Variants in LINGO2 observed in about 807,000 individuals in gnomAD.
LINGO2 encodes the protein leucine rich repeat and Ig domain containing 2, also known as leucine-rich repeat and immunoglobulin-like domain-containing nogo receptor-interacting protein 2.
In LINGO2, 14 loss-of-function variants were observed where a neutral mutation model predicts 30.6. That is an observed-to-expected ratio of 0.46 (90% CI 0.30 to 0.72). The LOEUF (loss-of-function observed/expected upper bound fraction) is 0.72, where lower values mean the gene tolerates loss of function less well. Ranked by LOEUF, LINGO2 falls within the 30% of genes least tolerant of loss-of-function variation. The pLI is 0.07. For missense variants in LINGO2, 729 were observed against 751.7 expected, an observed-to-expected ratio of 0.97 and a Z score of 0.35; for synonymous variants, 317 against 288.5, an observed-to-expected ratio of 1.10 and a Z score of -1.00.
chr9:28,775,871 T>C, the LINGO2 span, among the ~76,000 whole-genome samples: 2 of 152,202 alleles, frequency 1.3e-5, no homozygotes, highest in African/African-American at 2.4e-5. Flanking sequence ...CTTGAGACCC[T>C]AGTGGTGACA....
At chr9:28,182,350 C>T (rs750325665) in intron 4 of LINGO2, among the ~76,000 whole-genome samples, 10 of 152,106 alleles carry the variant, frequency 6.6e-5, no homozygotes, top group Non-Finnish European at 1.3e-4. Context: ...AAACCCAAAA[C>T]CATAAAAACC....
the LINGO2 span, among the ~76,000 whole-genome samples, chr9:28,721,714 G>A: frequency 2.6e-5 from 4 of 151,896 alleles, no homozygotes; most frequent in African/African-American, 9.6e-5. Context: ...ATGCATGTGG[G>A]GCTTAAAACC....
chr9:28,476,856 A>T (rs1330621254), intron 1 of LINGO2, among the ~76,000 whole-genome samples: 1 of 152,252 alleles, frequency 6.6e-6, no homozygotes, highest in Non-Finnish European at 1.5e-5. Context: ...TGATTAATTT[A>T]TTAAGGAAAA....
chr9:28,418,512 C>T (rs902374142), intron 2 of LINGO2, among the ~76,000 whole-genome samples: 3 of 151,982 alleles, frequency 2.0e-5, no homozygotes, highest in Non-Finnish European at 4.4e-5. Context: ...CTCCTGATCT[C>T]GTGATCTGCC....
At chr9:28,715,210 A>G in the LINGO2 span, among the ~76,000 whole-genome samples, 1 of 152,162 alleles carries the variant, frequency 6.6e-6, no homozygotes, top group African/African-American at 2.4e-5. Flanking sequence ...CATTTAGGAT[A>G]TATTATTCTA....
At chr9:28,546,069 T>C (rs1163657555) in intron 1 of LINGO2, among the ~76,000 whole-genome samples, 2 of 152,082 alleles carry the variant, frequency 1.3e-5, no homozygotes, top group Admixed American at 6.6e-5. Flanking sequence ...ATCTCACTTA[T>C]ATGTGGACTC....
At chr9:28,900,094 G>T in the LINGO2 span, among the ~76,000 whole-genome samples, 1 of 152,002 alleles carries the variant, frequency 6.6e-6, no homozygotes, top group African/African-American at 2.4e-5. Context: ...ACGGCCCTAG[G>T]CTCCATGCCA....
chr9:28,761,639 C>T, the LINGO2 span, among the ~76,000 whole-genome samples: 1 of 151,876 alleles, frequency 6.6e-6, no homozygotes, highest in East Asian at 1.9e-4. Context: ...AGAAAAGTGA[C>T]ATCTATTAGT....
At chr9:28,290,374 G>A (rs1823678046) in intron 4 of LINGO2, among the ~76,000 whole-genome samples, 1 of 152,148 alleles carries the variant, frequency 6.6e-6, no homozygotes, top group Non-Finnish European at 1.5e-5. Context: ...CACTCGGCAA[G>A]ACTTTGGACT....
At chr9:28,080,253 T>C (rs751475336) in intron 4 of LINGO2, among the ~76,000 whole-genome samples, 6 of 152,236 alleles carry the variant, frequency 3.9e-5, no homozygotes, top group Non-Finnish European at 7.3e-5. Context: ...ATTGCAATAA[T>C]AAGAATACTG....
intron 4 of LINGO2, among the ~76,000 whole-genome samples, chr9:28,281,037 A>C (rs1823305081): frequency 6.6e-6 from 1 of 152,110 alleles, no homozygotes; most frequent in Admixed American, 6.5e-5. Context: ...ACTTTCTTTC[A>C]AATATAAGAA....
chr9:28,029,971 A>G (rs1269722019), intron 4 of LINGO2, among the ~76,000 whole-genome samples: 5 of 152,314 alleles, frequency 3.3e-5, no homozygotes, highest in Non-Finnish European at 7.4e-5. Context: ...TGAAGAGCGT[A>G]AGAAAATGAA....
the LINGO2 span, among the ~76,000 whole-genome samples, chr9:29,105,358 A>C: frequency 6.6e-6 from 1 of 152,320 alleles, no homozygotes; most frequent in East Asian, 1.9e-4. Context: ...TGCTTACAGA[A>C]GGTTTCTGAA....
At chr9:28,553,222 C>T (rs1483883787) in intron 1 of LINGO2, among the ~76,000 whole-genome samples, 1 of 151,956 alleles carries the variant, frequency 6.6e-6, no homozygotes, top group African/African-American at 2.4e-5. Flanking sequence ...GACATTCAAA[C>T]CAAAGACAAA....
chr9:28,405,666 TTTAG>T (rs1822475972), intron 2 of LINGO2, among the ~76,000 whole-genome samples: 2 of 152,154 alleles, frequency 1.3e-5, no homozygotes, highest in Admixed American at 6.6e-5. Context: ...CTGTGCTTGT[TTTAG>T]TTATCCATTG....
At chr9:28,303,117 C>T (rs900720214) in intron 3 of LINGO2, among the ~76,000 whole-genome samples, 1 of 152,196 alleles carries the variant, frequency 6.6e-6, no homozygotes, top group Non-Finnish European at 1.5e-5. Context: ...CCCCTAAACA[C>T]TATATTCCAC....
chr9:27,974,507 T>C (rs1820502955), intron 5 of LINGO2, among the ~76,000 whole-genome samples: 2 of 152,224 alleles, frequency 1.3e-5, no homozygotes, highest in Non-Finnish European at 2.9e-5. Flanking sequence ...CCTTGGATAA[T>C]GGGGATTCCC....
chr9:28,725,193 G>A, the LINGO2 span, among the ~76,000 whole-genome samples: 7 of 151,680 alleles, frequency 4.6e-5, no homozygotes, highest in Non-Finnish European at 7.4e-5. Flanking sequence ...TTTATCACAC[G>A]TATTACCTAT....
At chr9:28,669,045 G>C (rs1828914647) in intron 1 of LINGO2, among the ~76,000 whole-genome samples, 1 of 151,830 alleles carries the variant, frequency 6.6e-6, no homozygotes, top group Non-Finnish European at 1.5e-5. Flanking sequence ...TTTTGTACCT[G>C]TTTAATTTAC....
Sources: allele counts gnomAD v4.1 joint callset (sites outside exome capture counted in the v4.1 genomes callset), GRCh38; gene constraint gnomAD v4.1.1; transcripts MANE v1.5; gene names NCBI Gene and HGNC (gene_info 2026-07-23, HGNC 2026-07-21).